Variants in RAVER2 observed in about 807,000 individuals in gnomAD.
RAVER2 encodes the protein ribonucleoprotein, PTB binding 2.
Under a neutral mutation model 78.1 loss-of-function variants are expected in RAVER2, and 46 were observed. The ratio of observed to expected loss-of-function variants is 0.59; its 90% CI spans 0.46 to 0.75. RAVER2 has a LOEUF of 0.75. Ranked by LOEUF, RAVER2 falls within the 30% of genes least tolerant of loss-of-function variation. The pLI, the probability that RAVER2 is intolerant of heterozygous loss-of-function variation, is 0.00. For synonymous variants in RAVER2, 311 were observed against 313.3 expected, an observed-to-expected ratio of 0.99 and a Z score of 0.08; for missense variants, 793 against 837.5, an observed-to-expected ratio of 0.95 and a Z score of 0.66.
chr1:64,786,159 G>C (rs1053174745), intron 4 of RAVER2, among the ~76,000 whole-genome samples: 1 of 152,096 alleles, frequency 6.6e-6, no homozygotes, highest in African/African-American at 2.4e-5. Flanking sequence ...TTTGTTTCTT[G>C]TTCCTTTAGA....
intron 11 of RAVER2, among the ~76,000 whole-genome samples, chr1:64,819,366 A>G (rs1653829073): frequency 6.6e-6 from 1 of 152,184 alleles, no homozygotes; most frequent in Non-Finnish European, 1.5e-5. Flanking sequence ...CTAGATGGGC[A>G]TAGCAGAAGA....
In RAVER2 at chr1:64,812,937, CAAAT is replaced by C. The variant is rs1382834231; in HGVS notation, c.1792+91_1792+94del. The C allele has an allele frequency of 4.5e-6, 4 of 884,552 alleles. No individual in the cohort carries two copies. The East Asian group carries it at 8.9e-5, about 20-fold the overall frequency. The allele number at this position is 884,552 out of a possible 1,614,324, so 54.8% of individuals were successfully genotyped here. A position where few individuals can be genotyped will look rare whatever the true frequency, so the allele number is the denominator to read the frequency against. On this transcript the variant is annotated intron_variant, in intron 10 of 11. Transcript: ENST00000294428. Reference sequence around the variant, plus strand: ...ACTTTAATTTTTGACTTCATGGAAGCAAATAATACCTATTGACCAAATTAAGGCC... The same window carrying C: ...ACTTTAATTTTTGACTTCATGGAAGCAATACCTATTGACCAAATTAAGGCC...
At chr1:64,825,892 T>C (rs965663952) in intron 11 of RAVER2, among the ~76,000 whole-genome samples, 6 of 152,250 alleles carry the variant, frequency 3.9e-5, no homozygotes, top group East Asian at 1.9e-4. Flanking sequence ...ATGGGTTTCA[T>C]AGTAGATGTG....
At chr1:64,775,782 G>A (rs1254388132) in intron 2 of RAVER2, among the ~76,000 whole-genome samples, 1 of 152,130 alleles carries the variant, frequency 6.6e-6, no homozygotes, top group Non-Finnish European at 1.5e-5. Context: ...ACTTTGGGAG[G>A]TTGAGGTTGG....
intron 11 of RAVER2, among the ~76,000 whole-genome samples, chr1:64,823,145 A>G (rs2100900392): frequency 6.6e-6 from 1 of 152,328 alleles, no homozygotes; most frequent in African/African-American, 2.4e-5. Context: ...TTGTGAATCA[A>G]CAAATTTTGG....
At chr1:64,780,684 G>C (rs554407488) in intron 3 of RAVER2, among the ~76,000 whole-genome samples, 9 of 152,086 alleles carry the variant, frequency 5.9e-5, no homozygotes, top group African/African-American at 1.9e-4. Context: ...GTCTTATCTT[G>C]TTCTTATTTT....
At chr1:64,826,838 G>A (rs1256826536) in intron 11 of RAVER2, among the ~76,000 whole-genome samples, 1 of 152,192 alleles carries the variant, frequency 6.6e-6, no homozygotes, top group Non-Finnish European at 1.5e-5. Context: ...CTGGACTGGA[G>A]ACATTTTTGG....
chr1:64,803,896 G>A (rs1653339692), intron 6 of RAVER2, among the ~76,000 whole-genome samples: 1 of 152,120 alleles, frequency 6.6e-6, no homozygotes, highest in South Asian at 2.1e-4. Context: ...AATAAGGAGT[G>A]GAGAGTAATA....
In RAVER2 at chr1:64,762,679, A is replaced by C. The variant is rs111402855; in HGVS notation, c.250-5977A>C. ...GATGCTAGGGCAGTTTGATATTCAA[A>C]TCAAAAAAATTGAACCTTGACCCCT... On this transcript the variant is annotated intron_variant, in intron 1 of 11. Coordinates refer to ENST00000294428, the Ensembl canonical transcript of RAVER2. Among the ~76,000 whole-genome samples the C allele has an allele frequency of 2.0e-3, 312 of 152,348 alleles. 1 individual carries two copies. Among genetic ancestry groups the C allele is most frequent in the African/African-American group, 7.1e-3 (296 of 41,580 alleles).
exon 12 of RAVER2, chr1:64,831,061 A>C (rs1412777567): frequency 1.1e-5 from 16 of 1,438,688 alleles, no homozygotes; most frequent in Non-Finnish European, 1.5e-5. Flanking sequence ...AACTTCATTC[A>C]AACTAGCCAT....
chr1:64,754,212 C>T (rs1326762889), intron 1 of RAVER2, among the ~76,000 whole-genome samples: 2 of 152,016 alleles, frequency 1.3e-5, no homozygotes, highest in African/African-American at 4.8e-5. Flanking sequence ...AACAATTTGC[C>T]CAAGATCATT....
At chr1:64,829,536 C>G (rs867373743) in intron 11 of RAVER2, among the ~76,000 whole-genome samples, 2 of 152,306 alleles carry the variant, frequency 1.3e-5, no homozygotes, top group Middle Eastern at 3.4e-3. Context: ...GTTTTTGGGG[C>G]AGAGGCTCCA....
At chr1:64,799,013 T>C (rs1653182207) in intron 5 of RAVER2, among the ~76,000 whole-genome samples, 3 of 152,202 alleles carry the variant, frequency 2.0e-5, no homozygotes, top group African/African-American at 4.8e-5. Context: ...TACAGTACTA[T>C]AGAACATGAA....
At chr1:64,808,038 CTAAT>C (rs1257833561) in intron 9 of RAVER2, among the ~76,000 whole-genome samples, 1 of 151,996 alleles carries the variant, frequency 6.6e-6, no homozygotes, top group Non-Finnish European at 1.5e-5. Flanking sequence ...TATTTGGTAG[CTAAT>C]TAAAGTATTT....
intron 1 of RAVER2, among the ~76,000 whole-genome samples, chr1:64,751,440 A>G (rs1222513655): frequency 6.6e-6 from 1 of 152,214 alleles, no homozygotes; most frequent in Non-Finnish European, 1.5e-5. Context: ...AACAAGACTC[A>G]GATCAGGGAA....
chr1:64,775,744 T>A (rs899780918), intron 2 of RAVER2, among the ~76,000 whole-genome samples: 1 of 152,062 alleles, frequency 6.6e-6, no homozygotes, highest in Non-Finnish European at 1.5e-5. Context: ...AAAGGCCTGG[T>A]GCAGTGGCTC....
exon 12 of RAVER2, chr1:64,832,469 TTTATG>T (rs774059533): frequency 3.9e-5 from 6 of 152,422 alleles, no homozygotes; most frequent in South Asian, 2.1e-4. Flanking sequence ...TCTAAGTTTG[TTTATG>T]TTATAAGACT....
chr1:64,777,818 GT>G lies in RAVER2; in HGVS notation c.516del (p.Leu173TrpfsTer19). ...CGTGCTTATGGAAATATTGAGAGAT[GT>G]TTTCTGGTCTATAGTGAAGTTACTG... On this transcript the variant is annotated frameshift_variant, in exon 3 of 12. Transcript: ENST00000294428. LOFTEE classifies it high-confidence loss of function. 1 of 1,614,064 alleles carries G rather than the reference GT, an allele frequency of 6.2e-7. No individual in the cohort carries two copies.
At position 64,768,711 on chromosome 1, in the gene RAVER2, ATAAACGAACAGGTAAGATTTC is replaced by A; in HGVS notation, c.308_316+12del. 1 of 1,537,850 alleles carries A rather than the reference ATAAACGAACAGGTAAGATTTC, an allele frequency of 6.5e-7. No homozygotes were observed. Among genetic ancestry groups the A allele is most frequent in the Non-Finnish European group, 9.0e-7 (1 of 1,112,922 alleles). ...TTAAAATATTGTTATGTGGACAGAA[ATAAACGAACAGGTAAGATTTC>A]TATTCTAAGTGTCTAATTTCATTTT... On this transcript the variant is annotated splice_donor_variant and splice_donor_5th_base_variant and coding_sequence_variant and intron_variant, in exon 2 of 12. Coordinates refer to ENST00000294428, the Ensembl canonical transcript of RAVER2. LOFTEE classifies it high-confidence loss of function.
Sources: gnomAD v4.1 joint callset for allele counts (sites outside exome capture counted in the v4.1 genomes callset) on GRCh38, gnomAD v4.1.1 for gene constraint, MANE v1.5 for transcripts, NCBI Gene and HGNC (gene_info 2026-07-23, HGNC 2026-07-21) for gene names.